PPHLN1: variants seen among roughly 807,000 people sequenced by gnomAD.
PPHLN1 encodes the protein periphilin 1.
PPHLN1 carries 29 observed loss-of-function variants against 51.3 expected under a neutral mutation model. That is an observed-to-expected ratio of 0.57 (90% confidence interval 0.42 to 0.77). The LOEUF (loss-of-function observed/expected upper bound fraction) is 0.77, where lower values mean the gene tolerates loss of function less well. PPHLN1 is among the 30% of genes least tolerant of loss of function. The pLI is 0.00. For missense variants in PPHLN1, 436 were observed against 438.4 expected (o/e 0.99, Z 0.05); for synonymous variants, 147 against 147.8 (o/e 0.99, Z 0.04).
chr12:42,343,811 T>G, intron 2 of PPHLN1: 1 of 411,408 alleles, frequency 2.4e-6, no homozygotes, highest in African/African-American at 2.1e-5. Context: ...ATGCCTTAGC[T>G]CTCTGGGTCG....
At chr12:42,418,211 CTTTTTTT>C (rs60029170) in intron 9 of PPHLN1, among the ~76,000 whole-genome samples, 33,599 of 98,458 alleles carry the variant, frequency 0.34, 5,956 homozygotes, top group Middle Eastern at 0.51. Flanking sequence ...TCCCGGCCCT[CTTTTTTT>C]TTTTTTTTTT....
chr12:42,368,294 C>G (rs1435778957), intron 4 of PPHLN1, among the ~76,000 whole-genome samples: 2 of 151,938 alleles, frequency 1.3e-5, no homozygotes, highest in Non-Finnish European at 2.9e-5. Flanking sequence ...TTCAATTCAC[C>G]TGAATTTATC....
downstream of PPHLN1, chr12:42,442,507 C>G (rs56000886): frequency 5.5e-6 from 7 of 1,271,960 alleles, no homozygotes; most frequent in African/African-American, 1.5e-5. Flanking sequence ...CTGTCTGTAC[C>G]GAATAAATAC....
intron 9 of PPHLN1, among the ~76,000 whole-genome samples, chr12:42,436,110 C>T (rs1235061324): frequency 6.6e-6 from 1 of 152,210 alleles, no homozygotes. Context: ...TTGCCAAATC[C>T]AGTCAATATG....
rs1393801723 is a variant in PPHLN1, at chr12:42,343,160, A to G, written c.72+7186A>G. ...AGTAATTCAGTTATATACATATTCC[A>G]TATAACATTGTTTAAAATGTATTAA... On this transcript the variant is annotated intron_variant, in intron 2 of 9. Transcript: ENST00000358314. Among the ~76,000 whole-genome samples, 6 of 152,238 alleles carry G rather than the reference A, an allele frequency of 3.9e-5. No individual in the cohort carries two copies. The East Asian group carries it at 1.2e-3, about 29-fold the overall frequency.
chr12:42,434,096 A>G (rs2082276340), intron 9 of PPHLN1, among the ~76,000 whole-genome samples: 8 of 152,170 alleles, frequency 5.3e-5, no homozygotes, highest in Admixed American at 5.2e-4. Context: ...TATCTCTTCT[A>G]TCTGGCTGTT....
At chr12:42,346,878 CT>C (rs1035550083) in intron 2 of PPHLN1, among the ~76,000 whole-genome samples, 1 of 151,994 alleles carries the variant, frequency 6.6e-6, no homozygotes, top group Non-Finnish European at 1.5e-5. Context: ...AACTGTTGAC[CT>C]TTTTTTAAAA....
chr12:42,339,075 G>A (rs2071107297), intron 2 of PPHLN1, among the ~76,000 whole-genome samples: 1 of 152,182 alleles, frequency 6.6e-6, no homozygotes, highest in Admixed American at 6.5e-5. Context: ...AAGCAAGCAG[G>A]TAGGGAGATA....
chr12:42,339,878 T>C (rs1209173621), intron 2 of PPHLN1, among the ~76,000 whole-genome samples: 1 of 152,258 alleles, frequency 6.6e-6, no homozygotes, highest in Non-Finnish European at 1.5e-5. Context: ...GCTGTTGTTA[T>C]TATCTAAAGT....
At chr12:42,327,213 C>A (rs768878392) in intron 1 of PPHLN1, among the ~76,000 whole-genome samples, 6 of 152,196 alleles carry the variant, frequency 3.9e-5, no homozygotes, top group Non-Finnish European at 8.8e-5. Flanking sequence ...TTCTTCGTTT[C>A]TTCCCCATTT....
At chr12:42,423,517 G>A (rs1375131907) in intron 9 of PPHLN1, among the ~76,000 whole-genome samples, 1 of 152,008 alleles carries the variant, frequency 6.6e-6, no homozygotes, top group African/African-American at 2.4e-5. Context: ...TCCGTCTCTG[G>A]GAGAAGTATG....
At chr12:42,399,381 G>A (rs866903508) in intron 9 of PPHLN1, 10 of 878,138 alleles carry the variant, frequency 1.1e-5, no homozygotes, top group Middle Eastern at 1.2e-3. Context: ...CTTTAAGGTA[G>A]TTTCCAAATA....
At chr12:42,399,435 T>G in intron 9 of PPHLN1, 1 of 929,898 alleles carries the variant, frequency 1.1e-6, no homozygotes, top group Non-Finnish European at 1.3e-6. Flanking sequence ...AGTTTTTTAG[T>G]GAAGTCATTC....
chr12:42,360,118 A>AAAAAAAAAAAAAG (rs1232055856), intron 4 of PPHLN1, among the ~76,000 whole-genome samples: 19 of 151,468 alleles, frequency 1.3e-4, no homozygotes, highest in African/African-American at 3.9e-4. Flanking sequence ...CTCAAAAAAA[A>AAAAAAAAAAAAAG]AAAAAGAAAA....
chr12:42,387,612 C>T (rs1175815331), intron 7 of PPHLN1, 77 bp downstream of exon 7: 2 of 1,499,362 alleles, frequency 1.3e-6, no homozygotes, highest in Non-Finnish European at 1.8e-6. Context: ...TGCTTTTATT[C>T]TTTACTGTTA....
intron 7 of PPHLN1, among the ~76,000 whole-genome samples, chr12:42,393,366 A>G (rs960753571): frequency 5.3e-5 from 8 of 152,122 alleles, no homozygotes; most frequent in Admixed American, 2.0e-4. Flanking sequence ...TAAGAATTAG[A>G]TCTGGTCTAT....
chr12:42,410,917 C>T (rs2079752544), intron 9 of PPHLN1, among the ~76,000 whole-genome samples: 1 of 152,006 alleles, frequency 6.6e-6, no homozygotes, highest in Admixed American at 6.5e-5. Flanking sequence ...AATGCATTTA[C>T]TTTTGATATG....
At chr12:42,400,914 T>C (rs2139344571) in intron 9 of PPHLN1, among the ~76,000 whole-genome samples, 1 of 152,188 alleles carries the variant, frequency 6.6e-6, no homozygotes, top group Admixed American at 6.5e-5. Flanking sequence ...TAATAGATAT[T>C]TACATCTGTT....
At chr12:42,389,042 T>C (rs1360336597) in intron 7 of PPHLN1, among the ~76,000 whole-genome samples, 9 of 152,088 alleles carry the variant, frequency 5.9e-5, no homozygotes, top group Non-Finnish European at 1.3e-4. Context: ...GTCGAGACCA[T>C]CCTGGCTAAC....
Sources: allele counts gnomAD v4.1 joint callset (sites outside exome capture counted in the v4.1 genomes callset), GRCh38; gene constraint gnomAD v4.1.1; transcripts MANE v1.5; gene names NCBI Gene and HGNC (gene_info 2026-07-23, HGNC 2026-07-21).